The following NOX3 variants were observed in gnomAD, a reference collection of about 807,000 sequenced individuals.
NOX3 encodes the protein NADPH oxidase 3.
NOX3 carries 74 observed loss-of-function variants against 76.7 expected under a neutral mutation model. The ratio of observed to expected loss-of-function variants is 0.96; its 90% CI spans 0.80 to 1.17. The LOEUF is 1.17. Ranked by LOEUF, NOX3 falls within the 50% of genes most tolerant of loss-of-function variation. NOX3 has a pLI of 0.00. For synonymous variants in NOX3, 263 were observed against 261.1 expected (o/e 1.01, Z -0.07); for missense variants, 695 against 703.3 (o/e 0.99, Z 0.13).
At chr6:155,414,720 C>T (rs1443899043) in intron 10 of NOX3, among the ~76,000 whole-genome samples, 4 of 150,134 alleles carry the variant, frequency 2.7e-5, no homozygotes, top group East Asian at 2.0e-4. Context: ...CTCCACCTCC[C>T]GGGTTCAAGT....
At chr6:155,422,981 G>T in intron 9 of NOX3, 125 bp from the exon 10 acceptor site, 1 of 871,812 alleles carries the variant, frequency 1.1e-6, no homozygotes, top group Non-Finnish European at 1.8e-6. Flanking sequence ...TTGACTCTGT[G>T]CCTGAAAATG....
chr6:155,401,790 CAAA>C (rs5881135), intron 12 of NOX3, among the ~76,000 whole-genome samples: 1,345 of 99,374 alleles, frequency 0.014, 8 homozygotes, highest in South Asian at 0.028. Flanking sequence ...ACTGAAATTA[CAAA>C]AAAAAAAAAA....
intron 9 of NOX3, 51 bp downstream of exon 9, chr6:155,428,743 C>A (rs765293194): frequency 1.4e-6 from 2 of 1,442,950 alleles, no homozygotes; most frequent in East Asian, 2.4e-5. Context: ...CATTAAGATA[C>A]CTTACTTTTT....
intron 4 of NOX3, among the ~76,000 whole-genome samples, chr6:155,444,267 C>T (rs1777032469): frequency 6.6e-6 from 1 of 152,196 alleles, no homozygotes; most frequent in Admixed American, 6.5e-5. Flanking sequence ...TTGTGTTTTA[C>T]ACTGCATGCC....
intron 10 of NOX3, among the ~76,000 whole-genome samples, chr6:155,416,741 A>ATTTTTTTT (rs1225392241): frequency 4.9e-4 from 49 of 100,060 alleles, no homozygotes; most frequent in Non-Finnish European, 5.9e-4. Context: ...CATCTGAAAC[A>ATTTTTTTT]TTCTTTTTTT....
intron 10 of NOX3, among the ~76,000 whole-genome samples, chr6:155,415,438 C>A (rs1195462662): frequency 6.6e-6 from 1 of 152,086 alleles, no homozygotes; most frequent in Non-Finnish European, 1.5e-5. Context: ...ATCTGTATGT[C>A]TTTATATCCA....
At chr6:155,423,879 T>A (rs1036136459) in intron 9 of NOX3, among the ~76,000 whole-genome samples, 5 of 152,108 alleles carry the variant, frequency 3.3e-5, no homozygotes, top group African/African-American at 1.2e-4. Flanking sequence ...TAGCTGGGAC[T>A]GTAGGCACGT....
At chr6:155,416,951 A>T (rs1460790834) in intron 10 of NOX3, among the ~76,000 whole-genome samples, 4 of 151,912 alleles carry the variant, frequency 2.6e-5, no homozygotes, top group African/African-American at 9.7e-5. Flanking sequence ...GGGTTTTGCC[A>T]TGTTGGTCAG....
chr6:155,435,061 T>C (rs1183312909), intron 7 of NOX3, among the ~76,000 whole-genome samples: 1 of 152,114 alleles, frequency 6.6e-6, no homozygotes, highest in Non-Finnish European at 1.5e-5. Context: ...TCAGAGAGAA[T>C]ATCGTACAGT....
chr6:155,411,881 T>C (rs1776556511), intron 10 of NOX3, among the ~76,000 whole-genome samples: 1 of 152,208 alleles, frequency 6.6e-6, no homozygotes, highest in African/African-American at 2.4e-5. Flanking sequence ...AAATTTCCTC[T>C]CAGTGAAACA....
intron 10 of NOX3, among the ~76,000 whole-genome samples, chr6:155,414,619 C>CTTCCTT (rs1562461004): frequency 8.4e-6 from 1 of 119,428 alleles, no homozygotes; most frequent in Non-Finnish European, 1.7e-5. Flanking sequence ...CTTTTCTTTT[C>CTTCCTT]TTTCTTTTTT....
At chr6:155,448,377 C>G (rs1310299683) in intron 4 of NOX3, among the ~76,000 whole-genome samples, 1 of 152,178 alleles carries the variant, frequency 6.6e-6, no homozygotes, top group Non-Finnish European at 1.5e-5. Context: ...ACGCCATTAG[C>G]TATGCGGGGG....
At chr6:155,414,358 C>T (rs995542016) in intron 10 of NOX3, among the ~76,000 whole-genome samples, 1 of 152,190 alleles carries the variant, frequency 6.6e-6, no homozygotes, top group Admixed American at 6.5e-5. Context: ...TAGGCTACAA[C>T]TCTGTGATCT....
Position 155,411,233 on chromosome 6 carries a change from G to A in NOX3, c.1436C>T (p.Thr479Ile). The A allele has an allele frequency of 6.2e-7, 1 of 1,613,616 alleles. No homozygotes were observed. The highest frequency in any genetic ancestry group is 1.3e-5 in the African/African-American group (1 of 75,000). ...CAGTACCTGATTTTCATCCCAGCCG[G>A]TAAGAAATATATGATAACTCAGAAA... The part of the protein sequence containing the change: ...THFLSYHIFL[T>I]GWDENQALHI... Residue 479 changes from threonine (T) to isoleucine (I), a missense_variant, in exon 11 of 14, where the codon ACC (threonine) becomes ATC (isoleucine). Thr to Ile is a moderately conservative substitution (Grantham distance 89). Transcript: ENST00000159060.
At chr6:155,408,495 A>G (rs575977207) in intron 11 of NOX3, among the ~76,000 whole-genome samples, 3 of 152,204 alleles carry the variant, frequency 2.0e-5, no homozygotes, top group African/African-American at 7.2e-5. Flanking sequence ...CCAGGTTCCC[A>G]CTGTAAGCCT....
chr6:155,415,216 G>C (rs1324810512), intron 10 of NOX3, among the ~76,000 whole-genome samples: 1 of 152,178 alleles, frequency 6.6e-6, no homozygotes, highest in East Asian at 1.9e-4. Context: ...CCAGGTCAAA[G>C]AGGTCTGGGG....
chr6:155,406,544 G>A (rs983030996), intron 12 of NOX3, among the ~76,000 whole-genome samples: 8 of 152,192 alleles, frequency 5.3e-5, no homozygotes, highest in African/African-American at 7.2e-5. Context: ...ACAAAGCACC[G>A]TTTTAAGCCT....
intron 12 of NOX3, among the ~76,000 whole-genome samples, chr6:155,397,313 A>G (rs542851731): frequency 6.6e-5 from 10 of 152,202 alleles, no homozygotes; most frequent in African/African-American, 2.4e-4. Flanking sequence ...CATAGAGCCT[A>G]AAATGATTAC....
At chr6:155,438,012 T>C (rs1459480621) in intron 6 of NOX3, among the ~76,000 whole-genome samples, 1 of 152,234 alleles carries the variant, frequency 6.6e-6, no homozygotes, top group African/African-American at 2.4e-5. Context: ...AGATGTTATT[T>C]GGATATCAAA....
Sources: gnomAD v4.1 joint callset for allele counts (sites outside exome capture counted in the v4.1 genomes callset) on GRCh38, gnomAD v4.1.1 for gene constraint, MANE v1.5 for transcripts, NCBI Gene and HGNC (gene_info 2026-07-23, HGNC 2026-07-21) for gene names.